Variants in PPP2R2B observed in about 807,000 individuals in gnomAD.
PPP2R2B encodes serine/threonine-protein phosphatase 2A 55 kDa regulatory subunit B beta isoform.
In PPP2R2B, 5 loss-of-function variants were observed where a neutral mutation model predicts 46.0. The observed-to-expected ratio is 0.11, with a 90% CI of 0.06 to 0.23. The LOEUF (loss-of-function observed/expected upper bound fraction) is 0.23. Ranked by LOEUF, PPP2R2B falls within the 10% of genes least tolerant of loss-of-function variation. The probability of loss-of-function intolerance (pLI) is 1.00; values close to 1 mark genes in which losing one functional copy is unlikely to be tolerated. For missense variants in PPP2R2B, 367 were observed against 575.0 expected, an observed-to-expected ratio of 0.64 and a Z score of 3.70; for synonymous variants, 215 against 206.7, an observed-to-expected ratio of 1.04 and a Z score of -0.34.
chr5:146,924,348 C>T (rs1376536746), intron 1 of PPP2R2B, among the ~76,000 whole-genome samples: 3 of 152,190 alleles, frequency 2.0e-5, no homozygotes, highest in Non-Finnish European at 4.4e-5. Flanking sequence ...AAGAGAATTA[C>T]AGGTTTCAAT....
At chr5:147,055,889 A>G (rs2151905499) in exon 1 of PPP2R2B, 1 of 1,446,570 alleles carries the variant, frequency 6.9e-7, no homozygotes, top group Middle Eastern at 2.6e-4. Flanking sequence ...CCGAGGAATA[A>G]CTGGAGATGG....
chr5:146,859,615 T>G (rs887556148), intron 2 of PPP2R2B, among the ~76,000 whole-genome samples: 14 of 152,116 alleles, frequency 9.2e-5, no homozygotes, highest in Non-Finnish European at 1.5e-5. Flanking sequence ...AATAAAAGTT[T>G]TAAAAAAAGA....
intron 1 of PPP2R2B, among the ~76,000 whole-genome samples, chr5:147,027,848 A>G (rs1192313681): frequency 6.6e-6 from 1 of 152,190 alleles, no homozygotes; most frequent in African/African-American, 2.4e-5. Context: ...TCATTTAAAA[A>G]TACATTTTCT....
intron 2 of PPP2R2B, among the ~76,000 whole-genome samples, chr5:146,741,630 C>T (rs555385242): frequency 2.4e-4 from 36 of 152,218 alleles, no homozygotes; most frequent in Non-Finnish European, 4.9e-4. Flanking sequence ...CTCAGAGCTC[C>T]GAGAATCATG....
intron 6 of PPP2R2B, among the ~76,000 whole-genome samples, chr5:146,648,262 C>T (rs1479281422): frequency 6.6e-6 from 1 of 152,140 alleles, no homozygotes; most frequent in Non-Finnish European, 1.5e-5. Context: ...CATTGGGGAG[C>T]TGCAAATGAA....
chr5:146,668,138 C>T (rs1777125738), intron 5 of PPP2R2B, among the ~76,000 whole-genome samples: 1 of 152,114 alleles, frequency 6.6e-6, no homozygotes, highest in African/African-American at 2.4e-5. Flanking sequence ...TTATATGTAC[C>T]CACTGTGATG....
intron 1 of PPP2R2B, among the ~76,000 whole-genome samples, chr5:146,950,291 T>C (rs1764611874): frequency 6.6e-6 from 1 of 151,968 alleles, no homozygotes; most frequent in South Asian, 2.1e-4. Context: ...TCAGGGAACT[T>C]TGAACATGAT....
chr5:146,862,346 C>T (rs1398493720), intron 2 of PPP2R2B, among the ~76,000 whole-genome samples: 1 of 152,166 alleles, frequency 6.6e-6, no homozygotes, highest in Non-Finnish European at 1.5e-5. Flanking sequence ...GTATGGTAAA[C>T]TAGAGGGAAA....
intron 1 of PPP2R2B, among the ~76,000 whole-genome samples, chr5:146,931,424 TCTC>T (rs1763966661): frequency 6.6e-6 from 1 of 152,066 alleles, no homozygotes; most frequent in African/African-American, 2.4e-5. Flanking sequence ...CTCTCAATAA[TCTC>T]TTCTTTCTAA....
At chr5:146,770,171 A>G (rs1332354931) in intron 2 of PPP2R2B, among the ~76,000 whole-genome samples, 1 of 151,934 alleles carries the variant, frequency 6.6e-6, no homozygotes, top group African/African-American at 2.4e-5. Context: ...TCTACTAAAA[A>G]TACAAAAATT....
chr5:146,931,173 G>A (rs1453569529), intron 1 of PPP2R2B, among the ~76,000 whole-genome samples: 2 of 152,062 alleles, frequency 1.3e-5, no homozygotes, highest in Non-Finnish European at 2.9e-5. Flanking sequence ...TCTCTGTAAC[G>A]CAAGCCAGAA....
chr5:146,693,439 TCC>T (rs1213019602), intron 4 of PPP2R2B, among the ~76,000 whole-genome samples: 3 of 152,032 alleles, frequency 2.0e-5, no homozygotes, highest in East Asian at 3.9e-4. Context: ...GATCTCAAAC[TCC>T]CAGGCTCAAG....
chr5:146,791,079 T>C (rs141742935), intron 2 of PPP2R2B, among the ~76,000 whole-genome samples: 174 of 152,298 alleles, frequency 1.1e-3, no homozygotes, highest in Non-Finnish European at 1.9e-3. Flanking sequence ...GACTCAACTA[T>C]GCCCAGTCAC....
In PPP2R2B at chr5:146,600,285, C is replaced by T. The variant is rs761316578; in HGVS notation, c.960+6G>A. ...AATATACCTATGGGTGCCTGGGGTTCTATACCTGGTAAGTCTCGATGGGGC... is the reference window on the plus strand; with the variant it reads ...AATATACCTATGGGTGCCTGGGGTTTTATACCTGGTAAGTCTCGATGGGGC... On this transcript the variant is annotated splice_donor_region_variant and intron_variant, in intron 8 of 9. Coordinates refer to ENST00000394411, the MANE Select transcript of PPP2R2B (RefSeq NM_181675.4). 3.1e-6 allele frequency: 5 copies of T among 1,613,006 alleles called. No individual in the cohort carries two copies. Among genetic ancestry groups the T allele is most frequent in the Admixed American group, 3.3e-5 (2 of 59,820 alleles).
chr5:146,943,782 C>G (rs548092052), intron 1 of PPP2R2B, among the ~76,000 whole-genome samples: 1 of 152,228 alleles, frequency 6.6e-6, no homozygotes, highest in African/African-American at 2.4e-5. Context: ...CTTACTGAAA[C>G]AAGCACTGTT....
At chr5:146,900,776 C>G (rs1285758680) in intron 1 of PPP2R2B, among the ~76,000 whole-genome samples, 2 of 151,580 alleles carry the variant, frequency 1.3e-5, no homozygotes, top group African/African-American at 2.4e-5. Flanking sequence ...TTCCTAATGC[C>G]CCCCTCTCCC....
At chr5:146,861,053 TC>T (rs375600448) in intron 2 of PPP2R2B, among the ~76,000 whole-genome samples, 1,352 of 97,996 alleles carry the variant, frequency 0.014, 57 homozygotes, top group African/African-American at 0.036. Context: ...CTGAATTTTT[TC>T]TTTTTTTTTT....
At chr5:146,954,756 ATG>A (rs149370877) in intron 1 of PPP2R2B, among the ~76,000 whole-genome samples, 2,769 of 146,700 alleles carry the variant, frequency 0.019, 74 homozygotes, top group East Asian at 0.098. Context: ...ATGTGTATAT[ATG>A]TGTGTGTGTG....
chr5:146,601,266 CAT>C (rs1771757845), intron 7 of PPP2R2B, among the ~76,000 whole-genome samples: 1 of 152,092 alleles, frequency 6.6e-6, no homozygotes, highest in Non-Finnish European at 1.5e-5. Context: ...TTTGTCTGGT[CAT>C]ATGTTTTCAT....
Sources: gnomAD v4.1 joint callset for allele counts (sites outside exome capture counted in the v4.1 genomes callset) on GRCh38, gnomAD v4.1.1 for gene constraint, MANE v1.5 for transcripts, NCBI Gene and HGNC (gene_info 2026-07-23, HGNC 2026-07-21) for gene names.